LRRIQ1: variants seen among roughly 807,000 people sequenced by gnomAD.
LRRIQ1 encodes leucine rich repeats and IQ motif containing 1.
A neutral mutation model predicts 211.9 loss-of-function variants in LRRIQ1; 210 were observed. The ratio of observed to expected loss-of-function variants is 0.99; its 90% CI spans 0.89 to 1.11. The LOEUF (loss-of-function observed/expected upper bound fraction) is 1.11. LRRIQ1 is among the 50% of genes most tolerant of loss of function. The pLI, the probability that LRRIQ1 is intolerant of heterozygous loss-of-function variation, is 0.00. For synonymous variants in LRRIQ1, 699 were observed against 650.1 expected, an observed-to-expected ratio of 1.08 and a Z score of -1.14; for missense variants, 2,136 against 1,939.5, an observed-to-expected ratio of 1.10 and a Z score of -1.90.
chr12:85,266,915 C>T (rs942608675), downstream of LRRIQ1, among the ~76,000 whole-genome samples: 6 of 152,024 alleles, frequency 3.9e-5, no homozygotes, highest in African/African-American at 1.4e-4. Flanking sequence ...TTATATTTGC[C>T]ATTAGTGATG....
chr12:85,162,166 A>G (rs1052877559), intron 24 of LRRIQ1, among the ~76,000 whole-genome samples: 2 of 152,136 alleles, frequency 1.3e-5, no homozygotes, highest in South Asian at 2.1e-4. Flanking sequence ...CTTTTTTTAT[A>G]TTAAATATTT....
chr12:85,252,711 A>G (rs1178887347), intron 1 of LRRIQ1, among the ~76,000 whole-genome samples: 1 of 151,906 alleles, frequency 6.6e-6, no homozygotes, highest in Admixed American at 6.6e-5. Flanking sequence ...AGAGAACTCT[A>G]GTATATTAAT....
At chr12:85,100,711 C>T (rs1407950140) in intron 13 of LRRIQ1, among the ~76,000 whole-genome samples, 27 of 151,590 alleles carry the variant, frequency 1.8e-4, no homozygotes, top group Admixed American at 1.8e-3. Flanking sequence ...CTGTAACCTT[C>T]TGCCATTATT....
chr12:85,204,546 C>T (rs569980361), intron 24 of LRRIQ1, among the ~76,000 whole-genome samples: 9 of 152,308 alleles, frequency 5.9e-5, no homozygotes, highest in East Asian at 1.9e-4. Flanking sequence ...GAGCTGCCCA[C>T]GACCATGGGC....
intron 19 of LRRIQ1, 103 bp from the exon 20 acceptor site, chr12:85,152,177 C>A: frequency 1.2e-6 from 1 of 867,952 alleles, no homozygotes; most frequent in Middle Eastern, 2.5e-4. Context: ...AATAAAAATT[C>A]TGATATACTT....
At position 85,127,966 on chromosome 12, in the gene LRRIQ1, A is replaced by C. The variant is rs1188393214; in HGVS notation, c.4142A>C (p.Lys1381Thr). 1 of 1,613,900 alleles carries C rather than the reference A, an allele frequency of 6.2e-7. No individual in the cohort carries two copies. The highest frequency in any genetic ancestry group is 8.5e-7 in the Non-Finnish European group (1 of 1,179,786). Residue 1381 changes from lysine to threonine, a missense_variant, in exon 18 of 27, where the codon AAG (lysine) becomes ACG (threonine). Physicochemically the swap from Lys to Thr is moderately conservative, Grantham distance 78 (BLOSUM62 -1). Coordinates refer to ENST00000393217, the MANE Select transcript of LRRIQ1 (RefSeq NM_001079910.2). ...TCCATCAAGAATCAGACTATTTTAA[A>C]GAAAGGAAAAAGAGAAAATATTGTG... ...NSSIKNQTIL[K>T]KGKRENIVNI...
chr12:85,055,751 G>A lies in LRRIQ1; in HGVS notation c.958G>A (p.Glu320Lys), dbSNP rs772693447. The stretch of plus-strand genomic sequence containing the variant: ...TGAAAGTAAGAAAAGGAAAGCACAA[G>A]AGTGGAAGGAAAAGGAAGCAAAAAT... Reference protein sequence around the residue: ...QIESKKRKAQEWKEKEAKIRQ... With the variant: ...QIESKKRKAQKWKEKEAKIRQ... The change falls in exon 8 of 27, where the codon GAG becomes AAG. Residue 320 changes from glutamate to lysine, a missense_variant. By Grantham distance (56) the Glu-to-Lys change is moderately conservative (BLOSUM62 1). Coordinates refer to ENST00000393217, the MANE Select transcript of LRRIQ1 (RefSeq NM_001079910.2). 5.9e-5 allele frequency: 95 copies of A among 1,609,740 alleles called. No individual in the cohort carries two copies. The highest frequency in any genetic ancestry group is 7.5e-5 in the Non-Finnish European group (88 of 1,178,066).
chr12:85,203,800 A>G (rs1893408266), intron 24 of LRRIQ1, among the ~76,000 whole-genome samples: 1 of 152,114 alleles, frequency 6.6e-6, no homozygotes, highest in South Asian at 2.1e-4. Flanking sequence ...TTTAAAAGGG[A>G]AACAGCATAA....
intron 11 of LRRIQ1, among the ~76,000 whole-genome samples, chr12:85,084,925 CAAA>C (rs1441312508): frequency 2.9e-5 from 3 of 102,410 alleles, no homozygotes; most frequent in African/African-American, 3.7e-5. Flanking sequence ...GACTCCATCT[CAAA>C]AAAAAAAAAA....
intron 19 of LRRIQ1, among the ~76,000 whole-genome samples, chr12:85,151,774 T>C (rs547295187): frequency 6.6e-6 from 1 of 151,798 alleles, no homozygotes; most frequent in South Asian, 2.1e-4. Context: ...ACCATGTTCC[T>C]TGTATTGTTT....
At chr12:85,212,103 C>T (rs1893863574) in intron 24 of LRRIQ1, among the ~76,000 whole-genome samples, 2 of 151,968 alleles carry the variant, frequency 1.3e-5, no homozygotes, top group Admixed American at 1.3e-4. Context: ...CCCGTCTCTA[C>T]TAAAACTACA....
At chr12:85,054,472 G>T (rs573042807) in intron 7 of LRRIQ1, among the ~76,000 whole-genome samples, 40 of 152,188 alleles carry the variant, frequency 2.6e-4, no homozygotes, top group African/African-American at 8.9e-4. Context: ...ATGGCTTTTT[G>T]TTGTTGTTTT....
chr12:85,151,543 T>G (rs1176470964), intron 19 of LRRIQ1, among the ~76,000 whole-genome samples: 1 of 151,682 alleles, frequency 6.6e-6, no homozygotes, highest in Non-Finnish European at 1.5e-5. Flanking sequence ...TAAGCCATAT[T>G]ATATATTCAA....
At chr12:85,103,859 C>T (rs1428330409) in intron 13 of LRRIQ1, 145 bp from the exon 14 acceptor site, 1 of 313,414 alleles carries the variant, frequency 3.2e-6, no homozygotes. Flanking sequence ...TTTTATTGTA[C>T]AATTATAATT....
At chr12:85,121,639 A>G in intron 15 of LRRIQ1, 58 bp from the exon 16 acceptor site, 1 of 1,281,358 alleles carries the variant, frequency 7.8e-7, no homozygotes, top group African/African-American at 1.5e-5. Context: ...ATGGTTATTT[A>G]GATACATACT....
intron 24 of LRRIQ1, among the ~76,000 whole-genome samples, chr12:85,163,411 A>G (rs1890998159): frequency 6.6e-6 from 1 of 152,194 alleles, no homozygotes; most frequent in Admixed American, 6.5e-5. Flanking sequence ...GAATAATTCC[A>G]TGTGGAACAG....
intron 19 of LRRIQ1, among the ~76,000 whole-genome samples, chr12:85,142,956 G>A (rs756128943): frequency 1.3e-5 from 2 of 151,446 alleles, no homozygotes; most frequent in Non-Finnish European, 3.0e-5. Flanking sequence ...TGATTTTATT[G>A]CCTTTTGGTA....
intron 23 of LRRIQ1, among the ~76,000 whole-genome samples, chr12:85,157,625 T>TA (rs531567861): frequency 6.1e-4 from 93 of 152,036 alleles, no homozygotes; most frequent in Middle Eastern, 3.4e-3. Context: ...AGGTGAGAGT[T>TA]ACTGGTTTAT....
Position 85,055,898 on chromosome 12 carries a change from A to G in LRRIQ1, c.1105A>G (p.Asn369Asp). 1 of 1,596,302 alleles carries G rather than the reference A, an allele frequency of 6.3e-7. No homozygotes were observed. Among genetic ancestry groups the G allele is most frequent in the East Asian group, 2.2e-5 (1 of 44,634 alleles). ...RREKEYEEKK[N>D]IVKQEREQLI... The stretch of plus-strand genomic sequence containing the variant: ...AGAAAAAGAATATGAAGAAAAAAAG[A>G]ATATTGTGAAACAGGAAAGAGAGCA... Residue 369 changes from asparagine to aspartate, a missense_variant, in exon 8 of 27, where the codon AAT (asparagine) becomes GAT (aspartate). By Grantham distance (23) the Asn-to-Asp change is conservative (BLOSUM62 1). Coordinates refer to ENST00000393217, the MANE Select transcript of LRRIQ1 (RefSeq NM_001079910.2).
Sources: gnomAD v4.1 joint callset for allele counts (sites outside exome capture counted in the v4.1 genomes callset) on GRCh38, gnomAD v4.1.1 for gene constraint, MANE v1.5 for transcripts, NCBI Gene and HGNC (gene_info 2026-07-23, HGNC 2026-07-21) for gene names.